KIAA1671: variants seen among roughly 807,000 people sequenced by gnomAD.
KIAA1671 encodes the protein uncharacterized protein KIAA1671.
Under a neutral mutation model 131.2 loss-of-function variants are expected in KIAA1671, and 52 were observed. The ratio of observed to expected loss-of-function variants is 0.40; its 90% confidence interval spans 0.32 to 0.50. The LOEUF is 0.50. KIAA1671 is among the 20% of genes least tolerant of loss of function. The pLI is 0.73. For synonymous variants in KIAA1671, 1,003 were observed against 961.6 expected, an observed-to-expected ratio of 1.04 and a Z score of -0.80; for missense variants, 2,360 against 2,364.2, an observed-to-expected ratio of 1.00 and a Z score of 0.04.
intron 10 of KIAA1671, among the ~76,000 whole-genome samples, chr22:25,184,547 G>T (rs1217121167): frequency 1.3e-5 from 2 of 152,134 alleles, no homozygotes; most frequent in Non-Finnish European, 2.9e-5. Flanking sequence ...GTGGATATTT[G>T]CCCTCCGGTT....
chr22:25,053,755 G>A (rs920484292), intron 6 of KIAA1671: 3 of 152,348 alleles, frequency 2.0e-5, no homozygotes, highest in Non-Finnish European at 4.4e-5. Context: ...AGACAAAGGG[G>A]GGTGCTTGGA....
At chr22:24,967,248 T>C (rs566803758) in intron 1 of KIAA1671, among the ~76,000 whole-genome samples, 15 of 152,318 alleles carry the variant, frequency 9.8e-5, no homozygotes, top group Non-Finnish European at 2.1e-4. Context: ...GTTAGGTGCC[T>C]TCTTGTCAAA....
chr22:25,083,511 C>T (rs1241171526), intron 6 of KIAA1671, among the ~76,000 whole-genome samples: 2 of 152,154 alleles, frequency 1.3e-5, no homozygotes, highest in Admixed American at 1.3e-4. Flanking sequence ...TCACAACAGT[C>T]TTAGAAGGGA....
At chr22:25,000,378 A>G (rs1306797989) in intron 1 of KIAA1671, among the ~76,000 whole-genome samples, 1 of 94,094 alleles carries the variant, frequency 1.1e-5, no homozygotes, top group South Asian at 3.9e-4. Context: ...TATTTTTAGT[A>G]GAGACGGGGT....
chr22:25,141,188 T>G (rs1240819119), intron 6 of KIAA1671, among the ~76,000 whole-genome samples: 1 of 152,218 alleles, frequency 6.6e-6, no homozygotes, highest in Non-Finnish European at 1.5e-5. Context: ...CACCCACATT[T>G]TAACAGTGAT....
intron 1 of KIAA1671, chr22:25,014,021 CAGA>C (rs1186198445): frequency 1.3e-5 from 2 of 152,136 alleles, no homozygotes; most frequent in Admixed American, 1.3e-4. Context: ...TCCAAAGCTC[CAGA>C]AGAAACGTGC....
chr22:25,090,098 T>G (rs1363608182), intron 6 of KIAA1671, among the ~76,000 whole-genome samples: 2 of 152,222 alleles, frequency 1.3e-5, no homozygotes, highest in African/African-American at 2.4e-5. Flanking sequence ...AGGGTTTCAC[T>G]CCATCTGTGA....
chr22:25,147,986 C>T (rs906248811), intron 6 of KIAA1671, among the ~76,000 whole-genome samples: 3 of 118,360 alleles, frequency 2.5e-5, no homozygotes, highest in African/African-American at 1.3e-4. Flanking sequence ...TCCCCTCCCT[C>T]CCTCCCTCCC....
intron 5 of KIAA1671, among the ~76,000 whole-genome samples, chr22:25,042,867 G>A (rs891790502): frequency 5.3e-5 from 8 of 152,154 alleles, no homozygotes; most frequent in African/African-American, 1.9e-4. Context: ...GGCCACAGAG[G>A]CACATCTCAC....
At chr22:25,135,608 CTAAT>C (rs1246987673) in intron 6 of KIAA1671, among the ~76,000 whole-genome samples, 2 of 152,172 alleles carry the variant, frequency 1.3e-5, no homozygotes, top group African/African-American at 4.8e-5. Flanking sequence ...AGACATGTGA[CTAAT>C]TAACACCTCT....
chr22:24,959,634 G>A (rs1458426181), intron 1 of KIAA1671, among the ~76,000 whole-genome samples: 1 of 151,998 alleles, frequency 6.6e-6, no homozygotes, highest in Non-Finnish European at 1.5e-5. Flanking sequence ...ATCTTATGTG[G>A]GCAAGGCACT....
intron 6 of KIAA1671, among the ~76,000 whole-genome samples, chr22:25,129,241 G>A (rs1387286381): frequency 2.0e-5 from 3 of 152,194 alleles, no homozygotes; most frequent in African/African-American, 7.2e-5. Flanking sequence ...ATTCTGGGCT[G>A]GGTATGTTGG....
At chr22:25,082,894 A>G (rs1480497445) in intron 6 of KIAA1671, among the ~76,000 whole-genome samples, 1 of 152,232 alleles carries the variant, frequency 6.6e-6, no homozygotes, top group African/African-American at 2.4e-5. Flanking sequence ...AGGCAGGGAC[A>G]TACAACTGCA....
At chr22:25,032,513 C>G in intron 3 of KIAA1671, 96 bp from the exon 4 acceptor site, 1 of 680,584 alleles carries the variant, frequency 1.5e-6, no homozygotes, top group Non-Finnish European at 2.6e-6. Flanking sequence ...AATGTCCTTT[C>G]TGAAGGTTAC....
intron 6 of KIAA1671, among the ~76,000 whole-genome samples, chr22:25,151,053 C>G (rs1933022287): frequency 6.6e-6 from 1 of 151,886 alleles, no homozygotes; most frequent in African/African-American, 2.4e-5. Context: ...CCAGGATGGT[C>G]TCTATCTTCT....
chr22:25,023,618 A>G (rs1186447030), intron 1 of KIAA1671: 2 of 152,206 alleles, frequency 1.3e-5, no homozygotes, highest in Non-Finnish European at 1.5e-5. Context: ...TTTGGCTAGG[A>G]CTTTAAAATA....
At chr22:25,069,775 A>C (rs1353763669) in intron 6 of KIAA1671, among the ~76,000 whole-genome samples, 1 of 152,122 alleles carries the variant, frequency 6.6e-6, no homozygotes, top group Non-Finnish European at 1.5e-5. Flanking sequence ...CTTCCCTGTA[A>C]CGAGTGGCAG....
intron 7 of KIAA1671, among the ~76,000 whole-genome samples, chr22:25,173,722 T>C (rs1376392261): frequency 6.6e-6 from 1 of 152,194 alleles, no homozygotes; most frequent in African/African-American, 2.4e-5. Flanking sequence ...ACAAGTGAAA[T>C]TCAATTTAGG....
At chr22:25,019,050 T>TTG (rs377368958) in intron 1 of KIAA1671, among the ~76,000 whole-genome samples, 30,977 of 143,934 alleles carry the variant, frequency 0.22, 3,329 homozygotes, top group East Asian at 0.36. Context: ...AATAGTTGTT[T>TTG]TGTGTGTGTG....
Sources: gnomAD v4.1 joint callset for allele counts (sites outside exome capture counted in the v4.1 genomes callset) on GRCh38, gnomAD v4.1.1 for gene constraint, MANE v1.5 for transcripts, NCBI Gene and HGNC (gene_info 2026-07-23, HGNC 2026-07-21) for gene names.